Variants in KATNBL1 observed in about 807,000 individuals in gnomAD.
KATNBL1 encodes katanin regulatory subunit B1 like 1.
In KATNBL1, 28 loss-of-function variants were observed where a neutral mutation model predicts 44.7. That is an observed-to-expected ratio of 0.63 (90% CI 0.46 to 0.86). The LOEUF (loss-of-function observed/expected upper bound fraction) is 0.86, where lower values mean the gene tolerates loss of function less well. Ranked by LOEUF, KATNBL1 falls within the 40% of genes least tolerant of loss-of-function variation. The pLI is 0.00. For missense variants in KATNBL1, 272 were observed against 350.7 expected (o/e 0.78, Z 1.79); for synonymous variants, 78 against 114.9 (o/e 0.68, Z 2.06).
At chr15:34,155,597 T>C (rs542176851) in intron 2 of KATNBL1, among the ~76,000 whole-genome samples, 16 of 152,310 alleles carry the variant, frequency 1.1e-4, no homozygotes, top group African/African-American at 3.6e-4. Flanking sequence ...TTTGTTATAC[T>C]TTCATCAGGG....
At chr15:34,167,197 T>C (rs762954806) in intron 1 of KATNBL1, among the ~76,000 whole-genome samples, 29 of 151,902 alleles carry the variant, frequency 1.9e-4, no homozygotes, top group Non-Finnish European at 3.8e-4. Context: ...CCAAAAACCT[T>C]GAAAAAAGGT....
chr15:34,209,330 C>T (rs1890371602), intron 1 of KATNBL1: 1 of 152,098 alleles, frequency 6.6e-6, no homozygotes, highest in South Asian at 2.1e-4. Flanking sequence ...TTTCAAGGAA[C>T]TTTATAAGCC....
intron 1 of KATNBL1, among the ~76,000 whole-genome samples, chr15:34,172,537 G>A (rs1374366678): frequency 2.0e-5 from 3 of 152,132 alleles, no homozygotes; most frequent in Non-Finnish European, 4.4e-5. Flanking sequence ...GATTACAGGT[G>A]TAAGCCACTG....
At chr15:34,201,631 G>C (rs1890178127) in intron 1 of KATNBL1, among the ~76,000 whole-genome samples, 1 of 152,220 alleles carries the variant, frequency 6.6e-6, no homozygotes, top group African/African-American at 2.4e-5. Context: ...ATTCTAGCAT[G>C]TTTTGGTGAA....
At position 34,152,873 on chromosome 15, in the gene KATNBL1, G is replaced by A; in HGVS notation, c.355C>T (p.Arg119Ter). 7 of 1,613,790 alleles carry A rather than the reference G, an allele frequency of 4.3e-6. No individual in the cohort carries two copies. The highest frequency in any genetic ancestry group is 5.1e-6 in the Non-Finnish European group (6 of 1,179,706). The change falls in exon 4 of 10, where the codon CGA becomes TGA. Residue 119 changes from arginine (R) to a stop codon, truncating the protein, a stop_gained. Coordinates refer to ENST00000256544, the MANE Select transcript of KATNBL1 (RefSeq NM_024713.3). LOFTEE classifies it high-confidence loss of function. ...HLPEKLHHDS[R>*]TYLVNSSDSG... Reference sequence around the variant, plus strand: ...TCACTGGAGTTAACCAAATATGTTCGACTATCATGGTGTAATTTTTCAGGC... The same window carrying A: ...TCACTGGAGTTAACCAAATATGTTCAACTATCATGGTGTAATTTTTCAGGC...
intron 1 of KATNBL1, among the ~76,000 whole-genome samples, chr15:34,204,071 C>G (rs1312850056): frequency 6.7e-6 from 1 of 149,900 alleles, no homozygotes; most frequent in Non-Finnish European, 1.5e-5. Flanking sequence ...CTCCCATTAC[C>G]TTACCTCTAA....
intron 1 of KATNBL1, among the ~76,000 whole-genome samples, chr15:34,166,651 C>A (rs1235916508): frequency 6.6e-6 from 1 of 152,218 alleles, no homozygotes; most frequent in East Asian, 1.9e-4. Context: ...GGTCCTTGAC[C>A]CCTGTGTAGC....
At chr15:34,200,455 GT>G in intron 1 of KATNBL1, among the ~76,000 whole-genome samples, 1 of 151,896 alleles carries the variant, frequency 6.6e-6, no homozygotes, top group Admixed American at 6.6e-5. Flanking sequence ...TAGAGATGGG[GT>G]TTCACCATAT....
At chr15:34,152,144 G>A (rs1228736770) in intron 4 of KATNBL1, among the ~76,000 whole-genome samples, 2 of 151,358 alleles carry the variant, frequency 1.3e-5, no homozygotes, top group African/African-American at 4.9e-5. Context: ...GTTTCACCAT[G>A]TTGCCCAGGC....
At chr15:34,169,041 G>C (rs2140941307) in intron 1 of KATNBL1, among the ~76,000 whole-genome samples, 1 of 152,190 alleles carries the variant, frequency 6.6e-6, no homozygotes, top group East Asian at 1.9e-4. Context: ...AGAGAAGCAA[G>C]AGCAAACAAA....
At chr15:34,193,749 C>T (rs1044118159) in intron 1 of KATNBL1, among the ~76,000 whole-genome samples, 57 of 144,580 alleles carry the variant, frequency 3.9e-4, no homozygotes, top group Non-Finnish European at 5.1e-4. Flanking sequence ...CTACTCAGGA[C>T]GCTGAGGCAG....
chr15:34,205,602 C>T (rs1479488070), intron 1 of KATNBL1, among the ~76,000 whole-genome samples: 1 of 152,104 alleles, frequency 6.6e-6, no homozygotes, highest in Admixed American at 6.6e-5. Flanking sequence ...TTTGCTACTG[C>T]TGGGAGGTAT....
chr15:34,189,237 T>G (rs1889806947), intron 1 of KATNBL1, among the ~76,000 whole-genome samples: 1 of 152,226 alleles, frequency 6.6e-6, no homozygotes, highest in Non-Finnish European at 1.5e-5. Context: ...CTGGCCAGGC[T>G]GGTCTCGAAG....
intron 1 of KATNBL1, among the ~76,000 whole-genome samples, chr15:34,178,924 A>C (rs1312717933): frequency 6.6e-6 from 1 of 152,206 alleles, no homozygotes; most frequent in Non-Finnish European, 1.5e-5. Flanking sequence ...CCATAACCAC[A>C]GTATTATCTG....
intron 1 of KATNBL1, among the ~76,000 whole-genome samples, chr15:34,178,329 T>C (rs1889398048): frequency 6.6e-6 from 1 of 152,172 alleles, no homozygotes; most frequent in Non-Finnish European, 1.5e-5. Context: ...CCTTCCTTCA[T>C]CTAACATGGG....
At chr15:34,174,287 C>T (rs1266337041) in intron 1 of KATNBL1, among the ~76,000 whole-genome samples, 1 of 152,104 alleles carries the variant, frequency 6.6e-6, no homozygotes, top group African/African-American at 2.4e-5. Context: ...ATAACTAGAG[C>T]TATCACTGAA....
Position 34,141,703 on chromosome 15 carries a change from T to C in KATNBL1, c.*636A>G, listed in dbSNP as rs1436328419. The C allele has an allele frequency of 1.3e-5, 2 of 152,634 alleles. No homozygotes were observed. The highest frequency in any genetic ancestry group is 2.4e-5 in the African/African-American group (1 of 41,462). The allele number at this position is 152,634 out of a possible 1,614,324, so 9.5% of individuals were successfully genotyped here. A position where few individuals can be genotyped will look rare whatever the true frequency, so the allele number is the denominator to read the frequency against. The stretch of plus-strand genomic sequence containing the variant: ...AATGTAAACCCCTGATTTAATTCCA[T>C]GATTTTATCATGCCAGAAGCATGGT... On this transcript the variant is annotated 3_prime_UTR_variant, in exon 10 of 10. Transcript: ENST00000256544.
intron 1 of KATNBL1, among the ~76,000 whole-genome samples, chr15:34,194,100 C>A (rs1889967320): frequency 6.6e-6 from 1 of 152,020 alleles, no homozygotes; most frequent in South Asian, 2.1e-4. Context: ...CGCCACCATG[C>A]CTGGCTTATT....
At chr15:34,181,489 A>G (rs540901683) in intron 1 of KATNBL1, among the ~76,000 whole-genome samples, 12 of 150,764 alleles carry the variant, frequency 8.0e-5, no homozygotes, top group African/African-American at 2.9e-4. Flanking sequence ...ATTACTATTA[A>G]AAATTAATAA....
Sources: gnomAD v4.1 joint callset for allele counts (sites outside exome capture counted in the v4.1 genomes callset) on GRCh38, gnomAD v4.1.1 for gene constraint, MANE v1.5 for transcripts, NCBI Gene and HGNC (gene_info 2026-07-23, HGNC 2026-07-21) for gene names.